The following PRRG1 variants were observed in gnomAD, a reference collection of about 807,000 sequenced individuals.
The protein encoded by PRRG1 is transmembrane gamma-carboxyglutamic acid protein 1.
In PRRG1, 5 loss-of-function variants were observed where a neutral mutation model predicts 11.8. The observed-to-expected ratio is 0.42, with a 90% CI of 0.22 to 0.89. The LOEUF (loss-of-function observed/expected upper bound fraction) is 0.89. Ranked by LOEUF, PRRG1 falls within the 40% of genes least tolerant of loss-of-function variation. The probability of loss-of-function intolerance (pLI) is 0.28; values close to 1 mark genes in which losing one functional copy is unlikely to be tolerated. For synonymous variants in PRRG1, 66 were observed against 60.4 expected (o/e 1.09, Z -0.43); for missense variants, 155 against 166.1 (o/e 0.93, Z 0.37).
intron 2 of PRRG1, among the ~76,000 whole-genome samples, chrX:37,408,113 C>T (rs1430466900): frequency 1.8e-5 from 2 of 111,681 alleles, no homozygotes; most frequent in East Asian, 2.8e-4. Context: ...ACGTCCTGCC[C>T]GCAAATCAGC....
chrX:37,429,759 T>G lies in PRRG1; in HGVS notation c.171+3759T>G, dbSNP rs782345401. On this transcript the variant is annotated intron_variant, in intron 3 of 3. Transcript: ENST00000378628. ...GCCCCACTCTACTGGTACCAATTTA[T>G]TGTATTAGTCGTTTTTACACTGCTG... Among the ~76,000 whole-genome samples the G allele has an allele frequency of 2.4e-3, 272 of 111,858 alleles. 1 individual carries two copies. Among genetic ancestry groups the G allele is most frequent in the African/African-American group, 8.5e-3 (261 of 30,754 alleles).
intron 2 of PRRG1, among the ~76,000 whole-genome samples, chrX:37,408,234 T>G (rs1932244192): frequency 9.1e-6 from 1 of 109,921 alleles, no homozygotes; most frequent in Non-Finnish European, 1.9e-5. Context: ...CGTGGAGTGG[T>G]TTTAAGTAGT....
chrX:37,356,538 G>C (rs1930239445), intron 1 of PRRG1, among the ~76,000 whole-genome samples: 1 of 110,543 alleles, frequency 9.0e-6, no homozygotes, highest in South Asian at 3.9e-4. Context: ...AGGATTGTGG[G>C]AGTGGTGGGA....
At chrX:37,441,350 A>G in intron 3 of PRRG1, 1 of 755,676 alleles carries the variant, frequency 1.3e-6, no homozygotes, top group Non-Finnish European at 1.6e-6. Flanking sequence ...CACATGGAAC[A>G]TAGTACTCAT....
At chrX:37,401,190 AT>A (rs1481139707) in intron 1 of PRRG1, among the ~76,000 whole-genome samples, 11 of 110,935 alleles carry the variant, frequency 9.9e-5, no homozygotes, top group African/African-American at 3.6e-4. Flanking sequence ...AAAAAAGAGA[AT>A]TTTAGACCAA....
At chrX:37,445,082 C>T (rs1319502048) in intron 3 of PRRG1, among the ~76,000 whole-genome samples, 1 of 111,527 alleles carries the variant, frequency 9.0e-6, no homozygotes, top group African/African-American at 3.3e-5. Flanking sequence ...CTAGGCGGCG[C>T]TTGACAGGAG....
intron 1 of PRRG1, among the ~76,000 whole-genome samples, chrX:37,389,093 A>G (rs66832407): frequency 0.2 from 22,095 of 111,080 alleles, 2,518 homozygotes; most frequent in African/African-American, 0.43. Context: ...TTGCAAGGAC[A>G]TAACAATAGT....
chrX:37,401,065 A>G (rs1428233210), intron 1 of PRRG1, among the ~76,000 whole-genome samples: 12 of 110,610 alleles, frequency 1.1e-4, no homozygotes, highest in Middle Eastern at 9.2e-3. Context: ...ACAAGGAGGA[A>G]CTGGTACCAT....
At chrX:37,400,450 C>A (rs4330826) in intron 1 of PRRG1, among the ~76,000 whole-genome samples, 32,181 of 109,581 alleles carry the variant, frequency 0.29, 7,059 homozygotes, top group African/African-American at 0.77. Flanking sequence ...CAAAGACACA[C>A]CACACCAGAA....
rs181626275 is a variant in PRRG1 at position 37,454,259 on chromosome X, G to A, written c.*638G>A. The stretch of plus-strand genomic sequence containing the variant: ...GCAGATAGCAATAAGGTATTTGGTG[G>A]CATTCGGCTTGTTTTGTAATAGGGA... On this transcript the variant is annotated 3_prime_UTR_variant, in exon 4 of 4. Coordinates refer to ENST00000378628, the MANE Select transcript of PRRG1 (RefSeq NM_001142395.2). The A allele has an allele frequency of 3.0e-4, 34 of 112,025 alleles. No individual in the cohort carries two copies. The highest frequency in any genetic ancestry group is 1.1e-3 in the African/African-American group (34 of 30,897). The allele number at this position is 112,025 out of a possible 1,213,427, so 9.2% of individuals were successfully genotyped here.
chrX:37,386,470 C>T (rs1931333432), intron 1 of PRRG1: 1 of 112,260 alleles, frequency 8.9e-6, no homozygotes, highest in Admixed American at 9.4e-5. Context: ...TTCCTACTGT[C>T]CCTTTGTAAT....
intron 1 of PRRG1, among the ~76,000 whole-genome samples, chrX:37,392,378 G>A (rs1003211941): frequency 9.1e-6 from 1 of 109,529 alleles, no homozygotes; most frequent in African/African-American, 3.3e-5. Context: ...TGTATCATTA[G>A]AAAACTAGTG....
rs1272652302 is a variant in PRRG1 at position 37,455,114 on chromosome X, C to T, written c.*1493C>T. ...CTCCTCCCCGAGTCCTGCCCTGGAACCAAAGGAAGGAGGAACACTGAGGGG... is the reference window on the plus strand; with the variant it reads ...CTCCTCCCCGAGTCCTGCCCTGGAATCAAAGGAAGGAGGAACACTGAGGGG... On this transcript the variant is annotated 3_prime_UTR_variant, in exon 4 of 4. Transcript: ENST00000378628. 3 of 111,362 alleles carry T rather than the reference C, an allele frequency of 2.7e-5. No individual in the cohort carries two copies. The highest frequency in any genetic ancestry group is 5.7e-5 in the Non-Finnish European group (3 of 53,060). The allele number at this position is 111,362 out of a possible 1,213,427, so 9.2% of individuals were successfully genotyped here.
intron 3 of PRRG1, among the ~76,000 whole-genome samples, chrX:37,446,048 G>A (rs1024711336): frequency 8.9e-6 from 1 of 112,479 alleles, no homozygotes; most frequent in Non-Finnish European, 1.9e-5. Context: ...ATTTTTAAAT[G>A]TGCAATTGTC....
intron 1 of PRRG1, among the ~76,000 whole-genome samples, chrX:37,378,007 G>A (rs988858068): frequency 2.7e-5 from 3 of 111,701 alleles, no homozygotes; most frequent in African/African-American, 9.7e-5. Context: ...AAGCTGCTCT[G>A]AGGCTTTAAT....
chrX:37,404,973 C>A (rs954410803), intron 1 of PRRG1, among the ~76,000 whole-genome samples: 2 of 111,932 alleles, frequency 1.8e-5, no homozygotes, highest in African/African-American at 3.2e-5. Context: ...AAACGCCCAT[C>A]GCTTACAGAA....
intron 1 of PRRG1, among the ~76,000 whole-genome samples, chrX:37,351,357 T>A (rs1392346560): frequency 9.2e-6 from 1 of 108,949 alleles, no homozygotes. Context: ...TAGCCGGGCG[T>A]GGTGGTGGGC....
chrX:37,358,844 C>T (rs1001917860), intron 1 of PRRG1, among the ~76,000 whole-genome samples: 4 of 111,761 alleles, frequency 3.6e-5, no homozygotes, highest in African/African-American at 1.3e-4. Context: ...TCTTCCTATT[C>T]GTGAACATGG....
chrX:37,437,302 G>T (rs1237699228), intron 3 of PRRG1, among the ~76,000 whole-genome samples: 2 of 110,825 alleles, frequency 1.8e-5, no homozygotes, highest in Admixed American at 1.9e-4. Flanking sequence ...TCTTCAGTCA[G>T]GGCGGGGGGG....
Sources: allele counts gnomAD v4.1 joint callset (sites outside exome capture counted in the v4.1 genomes callset), GRCh38; gene constraint gnomAD v4.1.1; transcripts MANE v1.5; gene names NCBI Gene and HGNC (gene_info 2026-07-23, HGNC 2026-07-21).